Variants in PLA2G4E observed in about 807,000 individuals in gnomAD.
PLA2G4E encodes the protein phospholipase A2 group IVE, also known as cytosolic phospholipase A2 epsilon.
A neutral mutation model predicts 109.1 loss-of-function variants in PLA2G4E; 84 were observed. That is an observed-to-expected ratio of 0.77 (90% CI 0.65 to 0.92). The LOEUF (loss-of-function observed/expected upper bound fraction) is 0.92, where lower values mean the gene tolerates loss of function less well. PLA2G4E is among the 40% of genes least tolerant of loss of function. PLA2G4E has a pLI of 0.00. For missense variants in PLA2G4E, 1,057 were observed against 1,076.6 expected, an observed-to-expected ratio of 0.98 and a Z score of 0.25; for synonymous variants, 469 against 436.1, an observed-to-expected ratio of 1.08 and a Z score of -0.94.
chr15:41,986,668 C>T (rs1354480015), intron 17 of PLA2G4E, among the ~76,000 whole-genome samples: 2 of 152,094 alleles, frequency 1.3e-5, no homozygotes, highest in Non-Finnish European at 2.9e-5. Flanking sequence ...AGGTGCTCAT[C>T]ACCATGCCCA....
rs1322086461 is a variant in PLA2G4E, at chr15:41,996,377, A to G, written c.1110+747T>C. Among the ~76,000 whole-genome samples, 9 of 129,238 alleles carry G rather than the reference A, an allele frequency of 7.0e-5. No individual in the cohort carries two copies. The South Asian group carries it at 2.2e-3, about 32-fold the overall frequency. The allele number at this position is 129,238 out of a possible 152,430, so 84.8% of individuals were successfully genotyped here. ...AAAAAAAAAAAAAAAAAAAAAAAAA[A>G]AAGGAGGGAGGAAGGGGCTCTTTGT... On this transcript the variant is annotated intron_variant, in intron 11 of 19. Coordinates refer to ENST00000399518, the Ensembl canonical transcript of PLA2G4E.
Position 42,007,879 on chromosome 15 carries a change from A to T in PLA2G4E, c.257-14T>A, listed in dbSNP as rs756063724. ...CTGTCTGGCTCACTGTCCAAGAAAG[A>T]TAAGTGGAACCAATCCAGGTTCAGA... On this transcript the variant is annotated splice_polypyrimidine_tract_variant and intron_variant, in intron 2 of 19. Transcript: ENST00000399518. 2 of 1,593,452 alleles carry T rather than the reference A, an allele frequency of 1.3e-6. No homozygotes were observed. Among genetic ancestry groups the T allele is most frequent in the South Asian group, 2.3e-5 (2 of 87,836 alleles).
At chr15:41,989,807 C>T (rs746494073) in intron 14 of PLA2G4E, among the ~76,000 whole-genome samples, 61 of 152,230 alleles carry the variant, frequency 4.0e-4, no homozygotes, top group Admixed American at 2.7e-3. Context: ...CAAAAACTGA[C>T]CCTGAAGCAG....
intron 1 of PLA2G4E, among the ~76,000 whole-genome samples, chr15:42,042,123 C>A (rs1383773799): frequency 6.6e-6 from 1 of 152,056 alleles, no homozygotes; most frequent in Non-Finnish European, 1.5e-5. Flanking sequence ...AAATTGGAAA[C>A]AACCTAGATG....
chr15:42,028,169 T>C (rs1336748825), intron 1 of PLA2G4E, among the ~76,000 whole-genome samples: 1 of 152,202 alleles, frequency 6.6e-6, no homozygotes, highest in African/African-American at 2.4e-5. Flanking sequence ...CTAAGTATTT[T>C]ATATTGCCTG....
chr15:42,005,586 C>T (rs991115464), intron 4 of PLA2G4E, among the ~76,000 whole-genome samples: 22 of 152,354 alleles, frequency 1.4e-4, no homozygotes, highest in South Asian at 6.2e-4. Flanking sequence ...TCTGCAGATT[C>T]GCCCACCTTT....
At chr15:42,007,919 T>G in intron 2 of PLA2G4E, 54 bp from the exon 3 acceptor site, 1 of 1,546,574 alleles carries the variant, frequency 6.5e-7, no homozygotes, top group Non-Finnish European at 8.8e-7. Flanking sequence ...ACATGTGGAG[T>G]CAAAAGGGAA....
At position 42,002,264 on chromosome 15, in the gene PLA2G4E, C is replaced by CAAAAAAAAAAAA. The variant is rs71108143; in HGVS notation, c.609+378_609+389dup. ...TGGGCGACAGAGTGAGACCTTGTCT[C>CAAAAAAAAAAAA]AAAAAAAAAAAAAAAAAAAAAAAGG... On this transcript the variant is annotated intron_variant, in intron 6 of 19. Coordinates refer to ENST00000399518, the Ensembl canonical transcript of PLA2G4E. 8.2e-5 allele frequency among the ~76,000 whole-genome samples: 6 copies of CAAAAAAAAAAAA among 73,214 alleles called. 1 individual carries two copies. The highest frequency in any genetic ancestry group is 3.7e-4 in the African/African-American group (6 of 16,178). The allele number at this position is 73,214 out of a possible 152,430, so 48.0% of individuals were successfully genotyped here.
exon 12 of PLA2G4E, chr15:41,995,419 C>G (rs771345518): frequency 5.8e-5 from 93 of 1,613,866 alleles, no homozygotes; most frequent in Non-Finnish European, 7.7e-5. Context: ...TCAGCTTCTG[C>G]AGCCCCAGCA....
chr15:42,047,074 A>C (rs925317954), intron 1 of PLA2G4E, among the ~76,000 whole-genome samples: 1 of 152,228 alleles, frequency 6.6e-6, no homozygotes, highest in East Asian at 1.9e-4. Context: ...GTCTCAGTCC[A>C]TTTTATGCTA....
exon 11 of PLA2G4E, chr15:41,997,259 G>A: frequency 6.5e-7 from 1 of 1,543,266 alleles, no homozygotes; most frequent in Non-Finnish European, 8.8e-7. Context: ...GTGTCTCAGG[G>A]CTGGAGGGAG....
At position 41,990,278 on chromosome 15, in the gene PLA2G4E, G is replaced by A. The variant is rs1251239606; in HGVS notation, c.1471-43C>T. 1.0e-5 allele frequency: 16 copies of A among 1,550,674 alleles called. No individual in the cohort carries two copies. In the Admixed American group the frequency reaches 2.7e-4, roughly 26 times the overall value. On this transcript the variant is annotated intron_variant, in intron 13 of 19. Coordinates refer to ENST00000399518, the Ensembl canonical transcript of PLA2G4E. ...GGTTAAAGAGAAGCAGCAGCCCAGA[G>A]GGTGAGGGAGGCAGTGCAGAATGAG...
chr15:41,983,607 T>G (rs1348046698), exon 20 of PLA2G4E: 3 of 691,536 alleles, frequency 4.3e-6, no homozygotes, highest in Non-Finnish European at 4.8e-6. Context: ...TTTAAAATTT[T>G]TTACTTTTCG....
exon 8 of PLA2G4E, chr15:42,000,236 C>G: frequency 1.3e-6 from 2 of 1,581,738 alleles, no homozygotes; most frequent in Non-Finnish European, 1.7e-6. Flanking sequence ...GCCGGACACG[C>G]TGGGTGTTCT....
At chr15:42,035,558 A>G (rs1889199079) in intron 1 of PLA2G4E, among the ~76,000 whole-genome samples, 2 of 152,174 alleles carry the variant, frequency 1.3e-5, no homozygotes, top group African/African-American at 4.8e-5. Context: ...GGCCCAGGGG[A>G]TGTTGCAAAA....
chr15:42,020,384 C>T (rs758293508), intron 1 of PLA2G4E, among the ~76,000 whole-genome samples: 3 of 152,190 alleles, frequency 2.0e-5, no homozygotes, highest in Non-Finnish European at 4.4e-5. Flanking sequence ...GGTCTAGAGC[C>T]CTGGCAACCT....
intron 1 of PLA2G4E, among the ~76,000 whole-genome samples, chr15:42,029,155 G>T (rs575179626): frequency 6.6e-6 from 1 of 152,082 alleles, no homozygotes; most frequent in South Asian, 2.1e-4. Flanking sequence ...GCAGTGGCGC[G>T]ATCTCAGCTC....
At chr15:42,029,338 T>C (rs1309618493) in intron 1 of PLA2G4E, among the ~76,000 whole-genome samples, 2 of 152,200 alleles carry the variant, frequency 1.3e-5, no homozygotes, top group East Asian at 3.8e-4. Flanking sequence ...TCAAGCAATC[T>C]GCCCACCTCA....
chr15:42,020,228 C>G (rs1235760451), intron 1 of PLA2G4E, among the ~76,000 whole-genome samples: 1 of 152,220 alleles, frequency 6.6e-6, no homozygotes, highest in Non-Finnish European at 1.5e-5. Flanking sequence ...TAACTTGAGC[C>G]GGGGAGGTGG....
Sources: allele counts gnomAD v4.1 joint callset (sites outside exome capture counted in the v4.1 genomes callset), GRCh38; gene constraint gnomAD v4.1.1; transcripts MANE v1.5; gene names NCBI Gene and HGNC (gene_info 2026-07-23, HGNC 2026-07-21).